The following HCFC1 variants were observed in gnomAD, a reference collection of about 807,000 sequenced individuals.
HCFC1 encodes the protein host cell factor 1.
A neutral mutation model predicts 105.5 loss-of-function variants in HCFC1; 7 were observed. The observed-to-expected ratio is 0.07, with a 90% CI of 0.04 to 0.12. The LOEUF (loss-of-function observed/expected upper bound fraction) is 0.12, where lower values mean the gene tolerates loss of function less well. Among genes scored for constraint, HCFC1 ranks in the 10% least tolerant of loss-of-function variants. HCFC1 has a pLI of 1.00. For synonymous variants in HCFC1, 918 were observed against 828.1 expected (o/e 1.11, Z -1.86); for missense variants, 1,065 against 1,823.6 (o/e 0.58, Z 7.58).
chrX:153,964,468 GGCAGACTCTCAAGCGTCCCTTCCACCTC>G, intron 2 of HCFC1, 82 bp downstream of exon 2: 1 of 957,124 alleles, frequency 1.0e-6, no homozygotes, highest in African/African-American at 1.9e-5. Context: ...GAGCAGCCTT[GGCAGACTCTCAAGCGTCCCTTCCACCTC>G]CCGCTTGCCT....
chrX:153,963,703 G>T (rs1301720875), intron 3 of HCFC1, among the ~76,000 whole-genome samples: 1 of 112,876 alleles, frequency 8.9e-6, no homozygotes, highest in Non-Finnish European at 1.9e-5. Context: ...ACACAAAGCT[G>T]GGTATTATAT....
At position 153,960,328 on chromosome X, in the gene HCFC1, T is replaced by C; in HGVS notation, c.991A>G (p.Asn331Asp). ...ARAGHCAVAINTRLYIWSGRD... is the reference protein window; with the variant it reads ...ARAGHCAVAIDTRLYIWSGRD... Reference sequence around the variant, plus strand: ...CCACTCCAAATGTACAGGCGGGTGTTGATGGCGACTGCGCAGTGGCCAGCC... The same window carrying C: ...CCACTCCAAATGTACAGGCGGGTGTCGATGGCGACTGCGCAGTGGCCAGCC... Residue 331 changes from asparagine (N) to aspartate (D), a missense_variant, in exon 7 of 26, where the codon AAC becomes GAC. Physicochemically the swap from Asn to Asp is conservative, Grantham distance 23. Around this residue, in one of 17 missense-constraint regions of HCFC1, gnomAD observed 18 missense variants for 40.1 expected, o/e 0.45. Coordinates refer to ENST00000310441, the MANE Select transcript of HCFC1 (RefSeq NM_005334.3). 8.3e-7 allele frequency: 1 copy of C among 1,201,426 alleles called. No individual in the cohort carries two copies. The highest frequency in any genetic ancestry group is 1.1e-6 in the Non-Finnish European group (1 of 889,323).
Position 153,959,837 on chromosome X carries a change from C to A in HCFC1, c.1409G>T (p.Ser470Ile). ...TIQVLPTVPG[S>I]SISVPTAART... ...GGCTGCGGTGGGCACAGAAATGGAG[C>A]TGCCAGGCACCGTTGGCAAGACCTG... The change falls in exon 8 of 26, where the codon AGC becomes ATC. Residue 470 changes from serine (S) to isoleucine (I), a missense_variant. This residue lies in a region of HCFC1 where 101 missense variants were observed against 155.1 expected (regional missense o/e 0.65). Transcript: ENST00000310441. The A allele has an allele frequency of 8.5e-7, 1 of 1,179,608 alleles. No individual in the cohort carries two copies. Among genetic ancestry groups the A allele is most frequent in the Non-Finnish European group, 1.1e-6 (1 of 877,442 alleles).
rs782134253 is a variant in HCFC1, at chrX:153,965,810, G to A, written c.194-1084C>T. On this transcript the variant is annotated intron_variant, in intron 1 of 25. Transcript: ENST00000310441. ...ATAATACAGACTATTCAGTTTGGTG[G>A]CCAAAAGTGTTGTGAGACCATAGAA... Among the ~76,000 whole-genome samples, 4 of 112,832 alleles carry A rather than the reference G, an allele frequency of 3.5e-5. No individual in the cohort carries two copies. The South Asian group carries it at 1.4e-3, about 40-fold the overall frequency.
chrX:153,963,470 CCT>C, intron 3 of HCFC1, 37 bp from the exon 4 acceptor site: 7 of 1,043,350 alleles, frequency 6.7e-6, no homozygotes, highest in Non-Finnish European at 9.4e-6. Context: ...AGTCTCGACT[CCT>C]CACGCCAGAG....
At chrX:153,949,725 G>A (rs1221093340) in intron 24 of HCFC1, 109 bp from the exon 25 acceptor site, 28 of 732,706 alleles carry the variant, frequency 3.8e-5, no homozygotes, top group African/African-American at 2.1e-4. Flanking sequence ...GGCATGACCC[G>A]CAGCTGGCAA....
At chrX:153,951,749 C>G (rs1242525678) in intron 20 of HCFC1, 42 bp from the exon 21 acceptor site, 2 of 1,182,488 alleles carry the variant, frequency 1.7e-6, no homozygotes, top group Admixed American at 4.7e-5. Flanking sequence ...CTCGGGAAAC[C>G]TGGCTCCCAA....
chrX:153,949,402 A>G lies in HCFC1; in HGVS notation c.6069-16T>C, dbSNP rs1184614214. ...AGCAGATTTCCTTGGAAGGCAGAAA[A>G]AGGAAAGAGAAAGTTAGTGTGGGCC... On this transcript the variant is annotated splice_polypyrimidine_tract_variant and intron_variant, in intron 25 of 25. Coordinates refer to ENST00000310441, the MANE Select transcript of HCFC1 (RefSeq NM_005334.3). The G allele has an allele frequency of 1.3e-5, 16 of 1,199,638 alleles. No homozygotes were observed. The highest frequency in any genetic ancestry group is 1.8e-5 in the Non-Finnish European group (16 of 887,272).
chrX:153,963,640 T>G lies in HCFC1; in HGVS notation c.504-207A>C, dbSNP rs1174477955. Among the ~76,000 whole-genome samples the G allele has an allele frequency of 2.7e-5, 3 of 111,731 alleles. No individual in the cohort carries two copies. In the Admixed American group the frequency reaches 2.8e-4, roughly 11 times the overall value. On this transcript the variant is annotated intron_variant, in intron 3 of 25. Coordinates refer to ENST00000310441, the MANE Select transcript of HCFC1 (RefSeq NM_005334.3). ...ACTGGAACAGGGGACACAGGGTGGGTGAGGCTGCACAGCAGCCCCGAGTCC... is the reference window on the plus strand; with the variant it reads ...ACTGGAACAGGGGACACAGGGTGGGGGAGGCTGCACAGCAGCCCCGAGTCC...
chrX:153,961,925 A>T (rs1208891199), intron 5 of HCFC1, among the ~76,000 whole-genome samples: 2 of 112,106 alleles, frequency 1.8e-5, no homozygotes, highest in Non-Finnish European at 1.9e-5. Context: ...GGACATCCAC[A>T]AAGACACCCA....
At chrX:153,950,103 C>A (rs782639163) in intron 24 of HCFC1, 140 bp downstream of exon 24, 8 of 643,705 alleles carry the variant, frequency 1.2e-5, no homozygotes, top group Non-Finnish European at 1.8e-5. Flanking sequence ...TGGCCACCCC[C>A]GTGGGGGGCT....
At position 153,955,121 on chromosome X, in the gene HCFC1, G is replaced by A. The variant is rs1433494763; in HGVS notation, c.3278C>T (p.Thr1093Ile). Residue 1093 changes from threonine (T) to isoleucine (I), a missense_variant, in exon 17 of 26, where the codon ACC becomes ATC. Around this residue, in one of 17 missense-constraint regions of HCFC1, gnomAD observed 546 missense variants for 599.9 expected, o/e 0.91. Transcript: ENST00000310441. ...CTGCCCGGCCATGTTGGAGGTGGCG[G>A]TGGTGGCGGTGTTGGTGGTGCCCGT... is the stretch of plus-strand genomic sequence containing the variant. ...HETGTTNTATTATSNMAGQHG... is the reference protein window; with the variant it reads ...HETGTTNTATIATSNMAGQHG... 4 of 1,209,043 alleles carry A rather than the reference G, an allele frequency of 3.3e-6. No homozygotes were observed. Among genetic ancestry groups the A allele is most frequent in the Non-Finnish European group, 4.5e-6 (4 of 894,675 alleles).
At chrX:153,968,685 G>A (rs781807346) in intron 1 of HCFC1, among the ~76,000 whole-genome samples, 1 of 112,758 alleles carries the variant, frequency 8.9e-6, no homozygotes, top group South Asian at 3.6e-4. Flanking sequence ...TGAATATGCA[G>A]AGGCCCCAGG....
chrX:153,957,923 A>C (rs2065393767), intron 11 of HCFC1, 37 bp from the exon 12 acceptor site: 7 of 1,168,911 alleles, frequency 6.0e-6, no homozygotes, highest in Non-Finnish European at 7.0e-6. Context: ...GTGATCTGGA[A>C]ACCAAACAAG....
chrX:153,963,192 C>G, intron 4 of HCFC1, 33 bp downstream of exon 4: 1 of 1,127,037 alleles, frequency 8.9e-7, no homozygotes, highest in South Asian at 1.8e-5. Flanking sequence ...CCGCTTTGTC[C>G]CATGGCTGCT....
intron 20 of HCFC1, 59 bp downstream of exon 20, chrX:153,951,782 G>A: frequency 8.5e-7 from 1 of 1,170,985 alleles, no homozygotes. Context: ...CTCCCGTCCT[G>A]CCCTCACCTC....
At chrX:153,955,673 C>G (rs1364957658) in intron 16 of HCFC1, 131 bp from the exon 17 acceptor site, 2 of 618,618 alleles carry the variant, frequency 3.2e-6, no homozygotes, top group African/African-American at 4.5e-5. Flanking sequence ...AGACGTAAGA[C>G]CCACTCACCC....
In HCFC1 at chrX:153,952,954, G is replaced by A. The variant is rs1557113099; in HGVS notation, c.4502C>T (p.Pro1501Leu). The A allele has an allele frequency of 8.6e-7, 1 of 1,168,492 alleles. No homozygotes were observed. Residue 1501 changes from proline (P) to leucine (L), a missense_variant, in exon 19 of 26, where the codon CCA becomes CTA. Pro to Leu is a moderately conservative substitution (Grantham distance 98, BLOSUM62 -3). Around this residue, in one of 17 missense-constraint regions of HCFC1, gnomAD observed 546 missense variants for 599.9 expected, o/e 0.91. Transcript: ENST00000310441. Reference protein sequence around the residue: ...TPVPGPSVPPPEELQVSPGPR... With the variant: ...TPVPGPSVPPLEELQVSPGPR... Reference sequence around the variant, plus strand: ...ACCTGGCGACACCTGGAGTTCCTCTGGGGGCTGCAGGATGTCAACAGCAGA... The same window carrying A: ...ACCTGGCGACACCTGGAGTTCCTCTAGGGGCTGCAGGATGTCAACAGCAGA...
At position 153,956,705 on chromosome X, in the gene HCFC1, C is replaced by G. The variant is rs2065380619; in HGVS notation, c.2555G>C (p.Gly852Ala). ...PGTILRTVPM[G>A]GVRLVTPVTV... Reference sequence around the variant, plus strand: ...GACGGGTGTGACCAGGCGAACACCCCCCATGGGCACAGTGCGGAGGATGGT... The same window carrying G: ...GACGGGTGTGACCAGGCGAACACCCGCCATGGGCACAGTGCGGAGGATGGT... The change falls in exon 15 of 26, where the codon GGG becomes GCG. Residue 852 changes from glycine to alanine, a missense_variant. By Grantham distance (60) the Gly-to-Ala change is moderately conservative. This residue lies in a region of HCFC1 where 137 missense variants were observed against 378.2 expected (regional missense o/e 0.36). Transcript: ENST00000310441. 8.3e-7 allele frequency: 1 copy of G among 1,211,469 alleles called. No individual in the cohort carries two copies. Among genetic ancestry groups the G allele is most frequent in the Non-Finnish European group, 1.1e-6 (1 of 895,355 alleles).
Sources: allele counts gnomAD v4.1 joint callset (sites outside exome capture counted in the v4.1 genomes callset), GRCh38; gene constraint gnomAD v4.1.1; regional missense constraint gnomAD v4.1.1; transcripts MANE v1.5; gene names NCBI Gene and HGNC (gene_info 2026-07-23, HGNC 2026-07-21).